The following LARS2 variants were observed in gnomAD, a reference collection of about 807,000 sequenced individuals.
LARS2 encodes leucyl-tRNA synthetase 2, mitochondrial.
In LARS2, 81 loss-of-function variants were observed where a neutral mutation model predicts 116.6. The observed-to-expected ratio is 0.69, with a 90% CI of 0.58 to 0.84. The LOEUF (loss-of-function observed/expected upper bound fraction) is 0.84, where lower values mean the gene tolerates loss of function less well. Ranked by LOEUF, LARS2 falls within the 40% of genes least tolerant of loss-of-function variation. LARS2 has a pLI of 0.00. For missense variants in LARS2, 968 were observed against 1,114.5 expected (o/e 0.87, Z 1.87); for synonymous variants, 396 against 407.2 (o/e 0.97, Z 0.33).
At chr3:45,407,220 T>C (rs1191950633) in intron 4 of LARS2, among the ~76,000 whole-genome samples, 4 of 152,252 alleles carry the variant, frequency 2.6e-5, no homozygotes, top group African/African-American at 9.6e-5. Flanking sequence ...AGGGAAGTTC[T>C]TAGCAAGTAA....
At chr3:45,547,269 T>A in intron 21 of LARS2, 82 bp from the exon 22 acceptor site, 3 of 1,277,348 alleles carry the variant, frequency 2.3e-6, no homozygotes, top group Non-Finnish European at 3.3e-6. Flanking sequence ...CCATGCCCTT[T>A]ACAGGCAGGA....
At chr3:45,465,487 A>G (rs1295022992) in intron 8 of LARS2, among the ~76,000 whole-genome samples, 2 of 152,192 alleles carry the variant, frequency 1.3e-5, no homozygotes, top group Admixed American at 1.3e-4. Flanking sequence ...GCCACAGAAA[A>G]GTAGACAACT....
intron 6 of LARS2, among the ~76,000 whole-genome samples, chr3:45,437,992 G>C (rs1698834394): frequency 6.6e-6 from 1 of 152,258 alleles, no homozygotes; most frequent in East Asian, 1.9e-4. Context: ...AGGTAGAGTA[G>C]GTTAAGGGGA....
At chr3:45,513,358 G>T (rs995964846) in intron 16 of LARS2, 123 bp downstream of exon 16, 93 of 698,754 alleles carry the variant, frequency 1.3e-4, no homozygotes, top group Admixed American at 6.0e-4. Flanking sequence ...AGACCCGCTG[G>T]CTGTGAGGTC....
chr3:45,538,456 G>A (rs1448390821), intron 20 of LARS2: 4 of 152,206 alleles, frequency 2.6e-5, no homozygotes, highest in Admixed American at 2.6e-4. Flanking sequence ...TCTCTTCTGT[G>A]ACCTCCGTCT....
At chr3:45,487,834 C>G (rs12492998) in intron 11 of LARS2, among the ~76,000 whole-genome samples, 1,914 of 152,176 alleles carry the variant, frequency 0.013, 119 homozygotes, top group Admixed American at 0.11. Context: ...CCTTGGCCCC[C>G]CTGGGTGAGT....
intron 4 of LARS2, among the ~76,000 whole-genome samples, chr3:45,403,334 G>A (rs1698184861): frequency 6.6e-6 from 1 of 151,238 alleles, no homozygotes; most frequent in Admixed American, 6.6e-5. Flanking sequence ...TTTGTTTTTT[G>A]AGGCGGATCT....
chr3:45,431,536 C>A (rs1227193134), intron 6 of LARS2, among the ~76,000 whole-genome samples: 1 of 151,978 alleles, frequency 6.6e-6, no homozygotes, highest in African/African-American at 2.4e-5. Flanking sequence ...AGATTAGGGA[C>A]GGAGCTGTAT....
At chr3:45,461,140 G>A (rs1028841719) in intron 8 of LARS2, among the ~76,000 whole-genome samples, 1 of 152,026 alleles carries the variant, frequency 6.6e-6, no homozygotes, top group Admixed American at 6.5e-5. Context: ...AAATGGTCTG[G>A]GACTTAAAGG....
intron 8 of LARS2, among the ~76,000 whole-genome samples, chr3:45,464,200 G>T (rs534719713): frequency 1.3e-5 from 2 of 152,158 alleles, no homozygotes; most frequent in Non-Finnish European, 2.9e-5. Context: ...GCACACATGG[G>T]GCTGGAGGAA....
intron 19 of LARS2, among the ~76,000 whole-genome samples, chr3:45,522,905 A>G (rs568227895): frequency 6.6e-6 from 1 of 152,254 alleles, no homozygotes; most frequent in South Asian, 2.1e-4. Context: ...AAAAAAAATT[A>G]ATTTTTAAAA....
intron 6 of LARS2, among the ~76,000 whole-genome samples, chr3:45,445,708 G>C (rs1699007348): frequency 6.6e-6 from 1 of 152,164 alleles, no homozygotes; most frequent in Non-Finnish European, 1.5e-5. Flanking sequence ...TTTTCTAATA[G>C]TTATTACTCT....
At chr3:45,416,100 A>G (rs1220977305) in intron 4 of LARS2, among the ~76,000 whole-genome samples, 1 of 151,392 alleles carries the variant, frequency 6.6e-6, no homozygotes, top group Non-Finnish European at 1.5e-5. Flanking sequence ...CCTTACTGGT[A>G]GGGAAGAAAG....
intron 6 of LARS2, among the ~76,000 whole-genome samples, chr3:45,437,668 G>A (rs1441437768): frequency 6.6e-6 from 1 of 152,208 alleles, no homozygotes; most frequent in East Asian, 1.9e-4. Context: ...AGTGGTACAA[G>A]TACTGGGTCA....
intron 6 of LARS2, among the ~76,000 whole-genome samples, chr3:45,438,834 C>CA (rs1348138503): frequency 1.3e-5 from 2 of 150,858 alleles, no homozygotes; most frequent in African/African-American, 2.4e-5. Context: ...GACACTGTCT[C>CA]AAAAAAACAA....
At chr3:45,479,918 C>T (rs1298308025) in intron 10 of LARS2, among the ~76,000 whole-genome samples, 1 of 152,190 alleles carries the variant, frequency 6.6e-6, no homozygotes, top group Non-Finnish European at 1.5e-5. Context: ...AGGGCAGATG[C>T]GGTCTCTCCA....
At chr3:45,448,218 A>G (rs1349944773) in intron 7 of LARS2, among the ~76,000 whole-genome samples, 2 of 152,224 alleles carry the variant, frequency 1.3e-5, no homozygotes, top group Non-Finnish European at 2.9e-5. Context: ...CTATTCCATA[A>G]CAAATATTGG....
At chr3:45,403,369 T>G (rs1698185398) in intron 4 of LARS2, among the ~76,000 whole-genome samples, 1 of 151,948 alleles carries the variant, frequency 6.6e-6, no homozygotes, top group East Asian at 2.0e-4. Flanking sequence ...CAGGCTGGAG[T>G]GCAATGGTGC....
At chr3:45,425,170 G>T (rs2125691006) in intron 6 of LARS2, among the ~76,000 whole-genome samples, 1 of 152,008 alleles carries the variant, frequency 6.6e-6, no homozygotes, top group East Asian at 1.9e-4. Flanking sequence ...TAAATACTAG[G>T]AGATGCCCTT....
Sources: allele counts gnomAD v4.1 joint callset (sites outside exome capture counted in the v4.1 genomes callset), GRCh38; gene constraint gnomAD v4.1.1; transcripts MANE v1.5; gene names NCBI Gene and HGNC (gene_info 2026-07-23, HGNC 2026-07-21).